Variants in EEA1 observed in about 807,000 individuals in gnomAD.
EEA1 encodes early endosome antigen 1.
In EEA1, 111 loss-of-function variants were observed where a neutral mutation model predicts 209.2. The ratio of observed to expected loss-of-function variants is 0.53; its 90% CI spans 0.45 to 0.62. The LOEUF is 0.62. Ranked by LOEUF, EEA1 falls within the 20% of genes least tolerant of loss-of-function variation. The probability of loss-of-function intolerance (pLI) is 0.00; values close to 1 mark genes in which losing one functional copy is unlikely to be tolerated. For missense variants in EEA1, 1,343 were observed against 1,530.8 expected (o/e 0.88, Z 2.05); for synonymous variants, 536 against 540.6 (o/e 0.99, Z 0.12).
intron 27 of EEA1, 79 bp downstream of exon 27, chr12:92,777,464 T>C (rs1873704871): frequency 2.1e-6 from 3 of 1,450,124 alleles, no homozygotes; most frequent in Non-Finnish European, 2.8e-6. Flanking sequence ...CATGAGATTT[T>C]TTAAAAGGTA....
In EEA1 at chr12:92,853,009, T is replaced by C; in HGVS notation, c.423A>G (p.Glu141=). The change falls in exon 7 of 29, where the codon GAA becomes GAG. Residue 141 remains glutamate, a synonymous_variant. Coordinates refer to ENST00000322349, the MANE Select transcript of EEA1 (RefSeq NM_003566.4). The part of the protein sequence containing the change: ...TDSSAELQSL[E]QQLEEAQTEN... The stretch of plus-strand genomic sequence containing the variant: ...CTGTTTGGGCTTCTTCTAATTGCTG[T>C]TCCAAAGACTGTAGTTCTACAAAAA... 2 of 1,605,846 alleles carry C rather than the reference T, an allele frequency of 1.2e-6. No homozygotes were observed. Among genetic ancestry groups the C allele is most frequent in the Non-Finnish European group, 1.7e-6 (2 of 1,175,236 alleles).
intron 3 of EEA1, among the ~76,000 whole-genome samples, chr12:92,862,520 C>T (rs969994930): frequency 6.6e-6 from 1 of 151,806 alleles, no homozygotes; most frequent in Non-Finnish European, 1.5e-5. Flanking sequence ...TACTTGAGAC[C>T]AGGAGTTGGA....
rs138437103 is a variant in EEA1 at position 92,866,536 on chromosome 12, TA to T, written c.118-1550del. Among the ~76,000 whole-genome samples the T allele has an allele frequency of 4.0e-3, 575 of 144,968 alleles. 2 individuals carry two copies. Among genetic ancestry groups the T allele is most frequent in the Middle Eastern group, 7.1e-3 (2 of 282 alleles). On this transcript the variant is annotated intron_variant, in intron 2 of 28. Coordinates refer to ENST00000322349, the MANE Select transcript of EEA1 (RefSeq NM_003566.4). ...GAATGGTCATCCTCTCTTGATTCTA[TA>T]AAAAAAAAAAAATACAATTCCCTTT...
In EEA1 at chr12:92,888,595, C is replaced by CA. The variant is rs905395194; in HGVS notation, c.117+3033dup. On this transcript the variant is annotated intron_variant, in intron 2 of 28. Coordinates refer to ENST00000322349, the MANE Select transcript of EEA1 (RefSeq NM_003566.4). ...CCATCTAAAAAAACAAACAAACAAA[C>CA]AAAAAAAAAAACCCAAGAAAACAAT... Among the ~76,000 whole-genome samples, 70 of 125,278 alleles carry CA rather than the reference C, an allele frequency of 5.6e-4. 1 individual carries two copies. The highest frequency in any genetic ancestry group is 4.1e-3 in the Middle Eastern group (1 of 246). The allele number at this position is 125,278 out of a possible 152,430, so 82.2% of individuals were successfully genotyped here.
chr12:92,850,152 T>C (rs1346249694), intron 9 of EEA1, among the ~76,000 whole-genome samples: 1 of 152,160 alleles, frequency 6.6e-6, no homozygotes, highest in East Asian at 1.9e-4. Context: ...AAATACCTCA[T>C]GTGGAAAGAG....
intron 2 of EEA1, among the ~76,000 whole-genome samples, chr12:92,878,044 G>C (rs560721960): frequency 5.1e-4 from 77 of 152,272 alleles, no homozygotes; most frequent in African/African-American, 1.8e-3. Flanking sequence ...CTTTGGAGAA[G>C]TGACCTAAAA....
intron 20 of EEA1, among the ~76,000 whole-genome samples, chr12:92,801,376 A>C (rs1037073619): frequency 2.0e-5 from 3 of 151,972 alleles, no homozygotes; most frequent in African/African-American, 7.2e-5. Context: ...ATAGTAGGCA[A>C]AATACAAATA....
intron 1 of EEA1, among the ~76,000 whole-genome samples, chr12:92,894,136 C>A (rs559156123): frequency 6.6e-6 from 1 of 152,230 alleles, no homozygotes; most frequent in African/African-American, 2.4e-5. Context: ...GAAGTTACTA[C>A]TGCAATTGTT....
At chr12:92,902,326 G>A (rs190590799) in intron 1 of EEA1, among the ~76,000 whole-genome samples, 88 of 152,294 alleles carry the variant, frequency 5.8e-4, no homozygotes, top group Middle Eastern at 3.4e-3. Context: ...AGGCAGCTAA[G>A]TTCAGTAATA....
chr12:92,878,914 A>G (rs1381643171), intron 2 of EEA1, among the ~76,000 whole-genome samples: 1 of 152,210 alleles, frequency 6.6e-6, no homozygotes, highest in Non-Finnish European at 1.5e-5. Flanking sequence ...AAAGAAACAG[A>G]GAATCTGAGT....
chr12:92,886,489 G>A (rs1592757887), intron 2 of EEA1, among the ~76,000 whole-genome samples: 1 of 47,612 alleles, frequency 2.1e-5, no homozygotes, highest in Admixed American at 2.0e-4. Context: ...GAGGGGAGGA[G>A]AGGGGAGGGG....
chr12:92,811,797 T>A (rs1455144857), intron 16 of EEA1, among the ~76,000 whole-genome samples: 1 of 151,786 alleles, frequency 6.6e-6, no homozygotes, highest in Admixed American at 6.6e-5. Flanking sequence ...AACTATTTTT[T>A]AAAAATATTA....
intron 2 of EEA1, among the ~76,000 whole-genome samples, chr12:92,890,111 C>T (rs569229530): frequency 2.4e-4 from 36 of 152,104 alleles, no homozygotes; most frequent in African/African-American, 7.2e-4. Flanking sequence ...TACCTGAAGA[C>T]GGGATTTCAA....
At chr12:92,911,405 A>C (rs1215900637) in intron 1 of EEA1, among the ~76,000 whole-genome samples, 1 of 152,250 alleles carries the variant, frequency 6.6e-6, no homozygotes, top group African/African-American at 2.4e-5. Context: ...ACATACTGTA[A>C]GATTCCAATT....
chr12:92,907,182 A>G (rs1880417547), intron 1 of EEA1, among the ~76,000 whole-genome samples: 1 of 152,208 alleles, frequency 6.6e-6, no homozygotes, highest in Admixed American at 6.5e-5. Context: ...CATACTCTTT[A>G]GGTAAATTCA....
At chr12:92,782,773 G>A (rs1873958390) in intron 22 of EEA1, among the ~76,000 whole-genome samples, 1 of 152,082 alleles carries the variant, frequency 6.6e-6, no homozygotes, top group African/African-American at 2.4e-5. Context: ...TCTTCCACTG[G>A]TCCCTAGGCA....
rs79469465 is a variant in EEA1 at position 92,840,803 on chromosome 12, A to G, written c.915+1662T>C. 4.2e-3 allele frequency among the ~76,000 whole-genome samples: 635 copies of G among 152,320 alleles called. 4 individuals carry two copies. The highest frequency in any genetic ancestry group is 0.014 in the African/African-American group (596 of 41,572). Reference sequence around the variant, plus strand: ...TAGAGAGCCAGAAATAAACCTTTGCATATATTGTTGCTATGGTCTGAATGT... The same window carrying G: ...TAGAGAGCCAGAAATAAACCTTTGCGTATATTGTTGCTATGGTCTGAATGT... On this transcript the variant is annotated intron_variant, in intron 10 of 28. Coordinates refer to ENST00000322349, the MANE Select transcript of EEA1 (RefSeq NM_003566.4).
intron 8 of EEA1, 77 bp from the exon 9 acceptor site, chr12:92,851,343 C>A: frequency 7.4e-7 from 1 of 1,356,854 alleles, no homozygotes. Context: ...CATTTCACTA[C>A]AAAGGAATCA....
At position 92,771,883 on chromosome 12, in the gene EEA1, T is replaced by G. The variant is rs1873443772; in HGVS notation, c.*4128A>C. On this transcript the variant is annotated 3_prime_UTR_variant, in exon 29 of 29. Transcript: ENST00000322349. ...AAAGGGAGAGACAGACTGACTAAAT[T>G]AACAAAATATATAAAACAGCTCAAG... is the stretch of plus-strand genomic sequence containing the variant. 1 of 151,886 alleles carries G rather than the reference T, an allele frequency of 6.6e-6. No homozygotes were observed. Among genetic ancestry groups the G allele is most frequent in the African/African-American group, 2.4e-5 (1 of 41,400 alleles). 9.4% of individuals were successfully genotyped at this position (151,886 alleles called of 1,614,324 possible).
Sources: allele counts gnomAD v4.1 joint callset (sites outside exome capture counted in the v4.1 genomes callset), GRCh38; gene constraint gnomAD v4.1.1; transcripts MANE v1.5; gene names NCBI Gene and HGNC (gene_info 2026-07-23, HGNC 2026-07-21).